The following KLHL20 variants were observed in gnomAD, a reference collection of about 807,000 sequenced individuals.
The protein encoded by KLHL20 is kelch like family member 20.
In KLHL20, 29 loss-of-function variants were observed where a neutral mutation model predicts 69.5. That is an observed-to-expected ratio of 0.42 (90% CI 0.31 to 0.57). KLHL20 has a LOEUF of 0.57. Among genes scored for constraint, KLHL20 ranks in the 20% least tolerant of loss-of-function variants. The pLI is 0.18. For missense variants in KLHL20, 419 were observed against 776.0 expected, an observed-to-expected ratio of 0.54 and a Z score of 5.47; for synonymous variants, 253 against 265.2, an observed-to-expected ratio of 0.95 and a Z score of 0.45.
At chr1:173,777,725 A>G (rs1331943406) in intron 10 of KLHL20, among the ~76,000 whole-genome samples, 1 of 152,176 alleles carries the variant, frequency 6.6e-6, no homozygotes, top group Non-Finnish European at 1.5e-5. Context: ...ATTGATTTGC[A>G]TATGTTGAAC....
At position 173,733,892 on chromosome 1, in the gene KLHL20, G is replaced by A. The variant is rs1478329766; in HGVS notation, c.203G>A (p.Cys68Tyr). 1 of 1,614,070 alleles carries A rather than the reference G, an allele frequency of 6.2e-7. No individual in the cohort carries two copies. Among genetic ancestry groups the A allele is most frequent in the Non-Finnish European group, 8.5e-7 (1 of 1,180,046 alleles). The change falls in exon 3 of 12, where the codon TGT becomes TAT. Residue 68 changes from cysteine (C) to tyrosine (Y), a missense_variant. Physicochemically the swap from Cys to Tyr is radical, Grantham distance 194 (BLOSUM62 -2). This residue lies in a region of KLHL20 where 129 missense variants were observed against 183.6 expected (regional missense o/e 0.70). Transcript: ENST00000209884. ...INLLRKHRELCDVVLVVGAKK... is the reference protein window; with the variant it reads ...INLLRKHRELYDVVLVVGAKK... ...CTTCTGAGAAAGCACCGGGAGCTATGTGATGTGGTGCTAGTTGTGGGCGCC... is the reference window on the plus strand; with the variant it reads ...CTTCTGAGAAAGCACCGGGAGCTATATGATGTGGTGCTAGTTGTGGGCGCC...
chr1:173,777,446 T>C (rs190958318), intron 10 of KLHL20, among the ~76,000 whole-genome samples: 11 of 152,326 alleles, frequency 7.2e-5, no homozygotes, highest in Non-Finnish European at 1.3e-4. Context: ...TCCAGTACTA[T>C]ACTGAATAAC....
At chr1:173,720,344 TAA>T (rs1491544021) in intron 2 of KLHL20, among the ~76,000 whole-genome samples, 1 of 148,864 alleles carries the variant, frequency 6.7e-6, no homozygotes, top group Admixed American at 6.7e-5. Flanking sequence ...AAAAAAAAGA[TAA>T]GAGAGAGTAC....
In KLHL20 at chr1:173,716,037, A is replaced by G. The variant is rs112807816; in HGVS notation, c.-7A>G. 1.9e-6 allele frequency: 3 copies of G among 1,613,574 alleles called. No individual in the cohort carries two copies. The highest frequency in any genetic ancestry group is 1.7e-6 in the Non-Finnish European group (2 of 1,179,690). On this transcript the variant is annotated 5_prime_UTR_variant, in exon 2 of 12. The change abolishes an upstream ATG in the 5' untranslated region. Coordinates refer to ENST00000209884, the MANE Select transcript of KLHL20 (RefSeq NM_014458.4). ...TAGAGTGTGGTGAAGGGTACTTTTC[A>G]TGGTGCATGGAAGGAAAGCCAATGC... is the stretch of plus-strand genomic sequence containing the variant.
intron 5 of KLHL20, among the ~76,000 whole-genome samples, chr1:173,753,845 AG>A (rs71563240): frequency 2.6e-5 from 4 of 152,084 alleles, no homozygotes; most frequent in African/African-American, 4.8e-5. Flanking sequence ...ACTTTTTCAA[AG>A]GGGGGGAAAA....
chr1:173,727,479 A>G (rs1442126243), intron 2 of KLHL20, among the ~76,000 whole-genome samples: 1 of 152,184 alleles, frequency 6.6e-6, no homozygotes, highest in African/African-American at 2.4e-5. Flanking sequence ...TGAAGGAAAA[A>G]ATGTTAAGGG....
chr1:173,780,419 T>C (rs1196429598), intron 10 of KLHL20, among the ~76,000 whole-genome samples: 1 of 152,180 alleles, frequency 6.6e-6, no homozygotes, highest in Non-Finnish European at 1.5e-5. Flanking sequence ...GTGAAGAGAC[T>C]ACCAAAGACA....
rs1016765810 is a variant in KLHL20, at chr1:173,724,126, T to A, written c.23+8060T>A. The stretch of plus-strand genomic sequence containing the variant: ...ATATGTATCACCTCCAAAAATTCTT[T>A]TATATATATATACACATACACATAC... On this transcript the variant is annotated intron_variant, in intron 2 of 11. Coordinates refer to ENST00000209884, the MANE Select transcript of KLHL20 (RefSeq NM_014458.4). Among the ~76,000 whole-genome samples, 5 of 151,708 alleles carry A rather than the reference T, an allele frequency of 3.3e-5. No individual in the cohort carries two copies. In the South Asian group the frequency reaches 1.0e-3, roughly 31 times the overall value.
At chr1:173,783,916 C>G (rs1323531013) in intron 11 of KLHL20, among the ~76,000 whole-genome samples, 1 of 150,108 alleles carries the variant, frequency 6.7e-6, no homozygotes, top group East Asian at 2.0e-4. Context: ...GGATACAAAA[C>G]TGAACAACAA....
chr1:173,724,189 T>C (rs1027494789), intron 2 of KLHL20, among the ~76,000 whole-genome samples: 2 of 151,212 alleles, frequency 1.3e-5, no homozygotes, highest in African/African-American at 4.9e-5. Context: ...TTTTTTTTTT[T>C]AGAGATGGGG....
chr1:173,783,204 C>A (rs183179441), intron 11 of KLHL20, among the ~76,000 whole-genome samples: 35 of 152,218 alleles, frequency 2.3e-4, no homozygotes, highest in South Asian at 2.1e-3. Flanking sequence ...GGCTTACTTG[C>A]CTAAGCAAGT....
In KLHL20 at chr1:173,739,444, AT is replaced by A. The variant is rs973972989; in HGVS notation, c.597+5166del. On this transcript the variant is annotated intron_variant, in intron 3 of 11. Transcript: ENST00000209884. ...GTCCTGGACTTTTTTTTTGTTAGCA[AT>A]TTTTTTTATTGTCATTTCAATCTCA... Among the ~76,000 whole-genome samples the A allele has an allele frequency of 2.6e-5, 4 of 151,380 alleles. No individual in the cohort carries two copies. In the East Asian group the frequency reaches 7.8e-4, roughly 29 times the overall value.
chr1:173,720,267 A>C (rs1222764079), intron 2 of KLHL20, among the ~76,000 whole-genome samples: 1 of 152,196 alleles, frequency 6.6e-6, no homozygotes, highest in Non-Finnish European at 1.5e-5. Flanking sequence ...AGGAAGAATA[A>C]GAATTTACTT....
chr1:173,717,782 AAAAC>A (rs1671533482), intron 2 of KLHL20, among the ~76,000 whole-genome samples: 1 of 152,182 alleles, frequency 6.6e-6, no homozygotes. Context: ...CCCCCTCCAA[AAAAC>A]AAAAAAAATC....
In KLHL20 at chr1:173,773,930, G is replaced by A. The variant is rs370685775; in HGVS notation, c.1296-375G>A. On this transcript the variant is annotated intron_variant, in intron 8 of 11. Transcript: ENST00000209884. ...CAGGAGGCTGAGGCAGGAGAATGGC[G>A]TGAACCCAGGAGGCGGAGCTTGCAG... is the stretch of plus-strand genomic sequence containing the variant. Among the ~76,000 whole-genome samples the A allele has an allele frequency of 6.3e-4, 95 of 150,880 alleles. 1 individual carries two copies. Among genetic ancestry groups the A allele is most frequent in the East Asian group, 4.0e-4 (2 of 5,060 alleles).
intron 8 of KLHL20, among the ~76,000 whole-genome samples, chr1:173,772,872 CAT>C (rs1317113746): frequency 2.0e-5 from 3 of 152,112 alleles, no homozygotes; most frequent in African/African-American, 7.2e-5. Flanking sequence ...CAACCAAATC[CAT>C]ATTATGGGGA....
In KLHL20 at chr1:173,770,565, C is replaced by T. The variant is rs538738262; in HGVS notation, c.1296-3740C>T. ...ATACAAAATTAGCCGGATGTGGTGG[C>T]AGGCACCTGTAATCCCAGCTACTTG... On this transcript the variant is annotated intron_variant, in intron 8 of 11. Coordinates refer to ENST00000209884, the MANE Select transcript of KLHL20 (RefSeq NM_014458.4). Among the ~76,000 whole-genome samples the T allele has an allele frequency of 1.2e-4, 18 of 151,758 alleles. No homozygotes were observed. In the South Asian group the frequency reaches 3.7e-3, roughly 32 times the overall value.
chr1:173,743,904 G>A (rs1171317147), intron 3 of KLHL20, among the ~76,000 whole-genome samples: 1 of 152,042 alleles, frequency 6.6e-6, no homozygotes, highest in Non-Finnish European at 1.5e-5. Context: ...GGTTCAATCA[G>A]TCTCCAATGT....
chr1:173,749,618 G>C (rs954123335), intron 3 of KLHL20, among the ~76,000 whole-genome samples: 11 of 152,106 alleles, frequency 7.2e-5, no homozygotes, highest in Non-Finnish European at 1.5e-4. Context: ...TCTGCTCTTA[G>C]TGCCAAATAT....
Sources: allele counts gnomAD v4.1 joint callset (sites outside exome capture counted in the v4.1 genomes callset), GRCh38; gene constraint gnomAD v4.1.1; regional missense constraint gnomAD v4.1.1; transcripts MANE v1.5; gene names NCBI Gene and HGNC (gene_info 2026-07-23, HGNC 2026-07-21).